TRAPPC9: variants seen among roughly 807,000 people sequenced by gnomAD.
TRAPPC9 encodes the protein IKK2 binding protein.
TRAPPC9 carries 83 observed loss-of-function variants against 124.0 expected under a neutral mutation model. The ratio of observed to expected loss-of-function variants is 0.67; its 90% CI spans 0.56 to 0.80. The LOEUF is 0.80. Among genes scored for constraint, TRAPPC9 ranks in the 30% least tolerant of loss-of-function variants. The pLI is 0.00. For missense variants in TRAPPC9, 1,302 were observed against 1,508.3 expected (o/e 0.86, Z 2.27); for synonymous variants, 638 against 617.5 (o/e 1.03, Z -0.49).
At chr8:140,312,197 G>A (rs756262135) in intron 9 of TRAPPC9, among the ~76,000 whole-genome samples, 7 of 152,260 alleles carry the variant, frequency 4.6e-5, no homozygotes, top group South Asian at 2.1e-4. Flanking sequence ...ATGGGATTAT[G>A]GGAGGGGTGT....
chr8:139,761,255 C>T (rs1820198996), intron 21 of TRAPPC9, among the ~76,000 whole-genome samples: 1 of 152,136 alleles, frequency 6.6e-6, no homozygotes, highest in Admixed American at 6.5e-5. Flanking sequence ...CAACTGGGCC[C>T]AGACACACCA....
intron 18 of TRAPPC9, among the ~76,000 whole-genome samples, chr8:140,019,155 C>T (rs1839664925): frequency 6.6e-6 from 1 of 152,134 alleles, no homozygotes; most frequent in Admixed American, 6.5e-5. Flanking sequence ...TGAGTAAAAC[C>T]TGAATTGTTC....
At chr8:140,111,684 A>G (rs13253606) in intron 17 of TRAPPC9, among the ~76,000 whole-genome samples, 50,429 of 152,210 alleles carry the variant, frequency 0.33, 10,607 homozygotes, top group East Asian at 0.84. Flanking sequence ...TATGAGGACA[A>G]CATAGAACTT....
At position 140,229,251 on chromosome 8, in the gene TRAPPC9, CTTTTTTTTT is replaced by C. The variant is rs528175891; in HGVS notation, c.2432-7677_2432-7669del. 9.4e-4 allele frequency among the ~76,000 whole-genome samples: 94 copies of C among 99,818 alleles called. 4 individuals are homozygous for C. The highest frequency in any genetic ancestry group is 0.012 in the Middle Eastern group (2 of 172). The allele number at this position is 99,818 out of a possible 152,430, so 65.5% of individuals were successfully genotyped here. A position where few individuals can be genotyped will look rare whatever the true frequency, so the allele number is the denominator to read the frequency against. On this transcript the variant is annotated intron_variant, in intron 16 of 22. Transcript: ENST00000438773. ...AGTCAATTCCGTATGTTTTCTTTTTCTTTTTTTTTTTTTTTTTTTTTTTTTTTTTTTGAG... is the reference window on the plus strand; with the variant it reads ...AGTCAATTCCGTATGTTTTCTTTTTCTTTTTTTTTTTTTTTTTTTTTTGAG...
intron 21 of TRAPPC9, among the ~76,000 whole-genome samples, chr8:139,852,194 A>G (rs1020976616): frequency 1.3e-5 from 2 of 152,130 alleles, no homozygotes; most frequent in African/African-American, 4.8e-5. Context: ...GCCTTCCACC[A>G]CAATTGTGAG....
chr8:139,907,541 G>A lies in TRAPPC9; in HGVS notation c.2964+2606C>T, dbSNP rs13272112. Among the ~76,000 whole-genome samples the A allele has an allele frequency of 2.1e-5, 3 of 145,306 alleles. No homozygotes were observed. Among genetic ancestry groups the A allele is most frequent in the Non-Finnish European group, 4.5e-5 (3 of 66,496 alleles). On this transcript the variant is annotated intron_variant, in intron 20 of 22. Coordinates refer to ENST00000438773, the MANE Select transcript of TRAPPC9 (RefSeq NM_001160372.4). The surrounding 1 kb of genome is among the most constrained non-coding windows in gnomAD (Gnocchi z 4.7). The stretch of plus-strand genomic sequence containing the variant: ...GAGAGGAGAGGGAGAAAGAGAAAGG[G>A]GGGGAGGAAGGGATGGAGGCAGAGA...
intron 9 of TRAPPC9, among the ~76,000 whole-genome samples, chr8:140,312,096 C>G (rs2066313571): frequency 6.6e-6 from 1 of 152,200 alleles, no homozygotes; most frequent in Admixed American, 6.5e-5. Context: ...AACCTGAGAC[C>G]AAGGGAAATT....
Position 140,025,986 on chromosome 8 carries a change from C to A in TRAPPC9, c.2557-1907G>T, listed in dbSNP as rs1478784578. On this transcript the variant is annotated intron_variant, in intron 17 of 22. Coordinates refer to ENST00000438773, the MANE Select transcript of TRAPPC9 (RefSeq NM_001160372.4). ...ATCTTCCCAAACTGACCCTCTGAAC[C>A]CATTAAACATGGACTCCCCAGTCTC... is the stretch of plus-strand genomic sequence containing the variant. Among the ~76,000 whole-genome samples, 2 of 152,154 alleles carry A rather than the reference C, an allele frequency of 1.3e-5. 1 individual carries two copies. Among genetic ancestry groups the A allele is most frequent in the Non-Finnish European group, 2.9e-5 (2 of 68,028 alleles).
At chr8:140,181,348 C>T (rs534936962) in intron 17 of TRAPPC9, among the ~76,000 whole-genome samples, 5 of 152,326 alleles carry the variant, frequency 3.3e-5, no homozygotes, top group African/African-American at 7.2e-5. Context: ...ACAACTTCCA[C>T]CTCCAGGGTC....
chr8:139,796,134 A>G lies in TRAPPC9; in HGVS notation c.3056-63932T>C, dbSNP rs113854759. Among the ~76,000 whole-genome samples, 1,005 of 123,852 alleles carry G rather than the reference A, an allele frequency of 8.1e-3. 10 individuals carry two copies. Among genetic ancestry groups the G allele is most frequent in the African/African-American group, 0.027 (890 of 33,232 alleles). 81.3% of individuals were successfully genotyped at this position (123,852 alleles called of 152,430 possible). ...GAGGAGGAGGGAGGAGGAAGAGGAGAAGGAGGAGGAAGAGGAGGAGGAAGA... is the reference window on the plus strand; with the variant it reads ...GAGGAGGAGGGAGGAGGAAGAGGAGGAGGAGGAGGAAGAGGAGGAGGAAGA... On this transcript the variant is annotated intron_variant, in intron 21 of 22. Transcript: ENST00000438773.
intron 21 of TRAPPC9, among the ~76,000 whole-genome samples, chr8:139,884,160 C>A (rs1422947251): frequency 6.6e-6 from 1 of 152,132 alleles, no homozygotes. Context: ...CTCTCCAATT[C>A]CAGAACCCTC....
At chr8:140,427,092 A>ATTTTTTT (rs11464909) in intron 4 of TRAPPC9, among the ~76,000 whole-genome samples, 2 of 138,394 alleles carry the variant, frequency 1.4e-5, no homozygotes, top group Non-Finnish European at 3.1e-5. Context: ...CGACCGGCTA[A>ATTTTTTT]TTTTTTTTTT....
At chr8:140,458,193 G>C, upstream of TRAPPC9, 1 of 1,548,930 alleles carries the variant, frequency 6.5e-7, no homozygotes, top group Non-Finnish European at 8.7e-7. Context: ...GGGAGGGACC[G>C]GAGCAAGAGA....
At chr8:140,272,460 T>C (rs905548317) in intron 15 of TRAPPC9, among the ~76,000 whole-genome samples, 11 of 151,802 alleles carry the variant, frequency 7.2e-5, no homozygotes, top group African/African-American at 2.2e-4. Context: ...GTGATGGCAG[T>C]GGTAGTGATG....
At chr8:140,399,343 C>G (rs2069188872) in intron 6 of TRAPPC9, among the ~76,000 whole-genome samples, 1 of 152,226 alleles carries the variant, frequency 6.6e-6, no homozygotes, top group African/African-American at 2.4e-5. Context: ...CCACTGACAG[C>G]TTGCACTGTG....
At chr8:139,866,025 C>T (rs1335074093) in intron 21 of TRAPPC9, among the ~76,000 whole-genome samples, 1 of 151,936 alleles carries the variant, frequency 6.6e-6, no homozygotes, top group Non-Finnish European at 1.5e-5. Context: ...ACATGGGGGG[C>T]CTTCCAGGCT....
intron 16 of TRAPPC9, among the ~76,000 whole-genome samples, chr8:140,242,233 C>G (rs2131438541): frequency 6.6e-6 from 1 of 152,068 alleles, no homozygotes; most frequent in South Asian, 2.1e-4. Flanking sequence ...TTTGAGAAAA[C>G]TGTAAGACAC....
intron 17 of TRAPPC9, among the ~76,000 whole-genome samples, chr8:140,116,138 C>T (rs986869981): frequency 6.6e-6 from 1 of 152,032 alleles, no homozygotes; most frequent in East Asian, 1.9e-4. Flanking sequence ...AGGGGAGAGG[C>T]AGGGGCAGGG....
chr8:139,941,066 C>T (rs1833886561), intron 19 of TRAPPC9, among the ~76,000 whole-genome samples: 1 of 152,336 alleles, frequency 6.6e-6, no homozygotes, highest in Non-Finnish European at 1.5e-5. Flanking sequence ...GTGGCAGGCC[C>T]AGAACCCCTT....
Sources: allele counts gnomAD v4.1 joint callset (sites outside exome capture counted in the v4.1 genomes callset), GRCh38; gene constraint gnomAD v4.1.1; non-coding constraint Gnocchi (gnomAD v3.1); transcripts MANE v1.5; gene names NCBI Gene and HGNC (gene_info 2026-07-23, HGNC 2026-07-21).